Variants in ADGRL3 observed in about 807,000 individuals in gnomAD.
ADGRL3 encodes calcium-independent alpha-latrotoxin receptor 3.
A neutral mutation model predicts 153.5 loss-of-function variants in ADGRL3; 62 were observed. That is an observed-to-expected ratio of 0.40 (90% CI 0.33 to 0.50). The LOEUF is 0.50. Ranked by LOEUF, ADGRL3 falls within the 20% of genes least tolerant of loss-of-function variation. The pLI is 0.47. For missense variants in ADGRL3, 1,641 were observed against 1,859.4 expected (o/e 0.88, Z 2.16); for synonymous variants, 710 against 672.5 (o/e 1.06, Z -0.86).
chr4:61,791,484 G>A (rs2097341161), intron 8 of ADGRL3, among the ~76,000 whole-genome samples: 1 of 152,174 alleles, frequency 6.6e-6, no homozygotes, highest in Non-Finnish European at 1.5e-5. Context: ...GCAGGGTATG[G>A]CCTCCCTCCT....
intron 5 of ADGRL3, among the ~76,000 whole-genome samples, chr4:61,594,480 G>A (rs1285308195): frequency 2.0e-5 from 3 of 152,112 alleles, no homozygotes; most frequent in South Asian, 2.1e-4. Context: ...GAGGGACTTG[G>A]GCCCCAAACC....
chr4:61,989,777 C>T (rs1403134337), intron 19 of ADGRL3, among the ~76,000 whole-genome samples: 1 of 151,908 alleles, frequency 6.6e-6, no homozygotes, highest in Admixed American at 6.6e-5. Flanking sequence ...ACCTGAGTTC[C>T]TATTGGTACC....
intron 4 of ADGRL3, among the ~76,000 whole-genome samples, chr4:61,568,224 C>G (rs1431580375): frequency 1.3e-5 from 2 of 152,068 alleles, no homozygotes; most frequent in African/African-American, 2.4e-5. Context: ...CATCAAATAT[C>G]TATAAACATT....
chr4:61,435,696 G>A (rs899434179), intron 2 of ADGRL3, among the ~76,000 whole-genome samples: 4 of 150,192 alleles, frequency 2.7e-5, no homozygotes, highest in Non-Finnish European at 4.4e-5. Flanking sequence ...CCTCCTCTCC[G>A]GTCTTTTGCT....
chr4:61,903,933 T>G lies in ADGRL3; in HGVS notation c.1888-5627T>G, dbSNP rs182232884. 6.9e-3 allele frequency among the ~76,000 whole-genome samples: 1,040 copies of G among 151,786 alleles called. 10 individuals carry two copies. The highest frequency in any genetic ancestry group is 0.024 in the African/African-American group (995 of 41,404). ...GACCACTGTGGGCCCTGAGAAATTT[T>G]TTTTTTCTTTAATTTTGTAGACATA... On this transcript the variant is annotated intron_variant, in intron 11 of 26. Coordinates refer to ENST00000683033, the MANE Select transcript of ADGRL3 (RefSeq NM_001387552.1).
rs1020976287 is a variant in ADGRL3, at chr4:61,587,834, G to T, written c.473+394G>T. On this transcript the variant is annotated intron_variant, in intron 5 of 26. Transcript: ENST00000683033. ...CTTTCTAACAATGTAGGGAAAAAAA[G>T]AAGTAAAAATTAATAGGTAATTTAT... Among the ~76,000 whole-genome samples the T allele has an allele frequency of 3.9e-5, 6 of 152,060 alleles. No individual in the cohort carries two copies. The South Asian group carries it at 1.0e-3, about 26-fold the overall frequency.
chr4:61,346,197 T>A (rs1392796075), intron 1 of ADGRL3, among the ~76,000 whole-genome samples: 3 of 151,874 alleles, frequency 2.0e-5, no homozygotes, highest in Non-Finnish European at 4.4e-5. Context: ...GCCCAAATGT[T>A]CTAGTCCAGC....
intron 1 of ADGRL3, among the ~76,000 whole-genome samples, chr4:61,215,866 C>G (rs920510558): frequency 6.6e-6 from 1 of 151,962 alleles, no homozygotes; most frequent in African/African-American, 2.4e-5. Context: ...ATTTCTTAGT[C>G]TTGCCCTTGA....
intron 5 of ADGRL3, among the ~76,000 whole-genome samples, chr4:61,626,767 A>G (rs2092856127): frequency 6.6e-6 from 1 of 152,048 alleles, no homozygotes; most frequent in Admixed American, 6.6e-5. Flanking sequence ...CCTGAGTTCT[A>G]CTATTTTAAT....
intron 2 of ADGRL3, among the ~76,000 whole-genome samples, chr4:61,488,000 C>T (rs1579134506): frequency 6.6e-6 from 1 of 151,974 alleles, no homozygotes; most frequent in East Asian, 1.9e-4. Context: ...GTAATGTTCT[C>T]CAATCAAATG....
intron 15 of ADGRL3, among the ~76,000 whole-genome samples, chr4:61,946,131 A>T (rs1264531321): frequency 2.0e-5 from 3 of 152,200 alleles, no homozygotes; most frequent in Non-Finnish European, 4.4e-5. Flanking sequence ...TAATTTTATA[A>T]GAAATTGTCA....
At chr4:61,882,629 C>G (rs771000996) in intron 9 of ADGRL3, among the ~76,000 whole-genome samples, 3 of 152,178 alleles carry the variant, frequency 2.0e-5, no homozygotes, top group Non-Finnish European at 2.9e-5. Context: ...CCTCTCTGTC[C>G]TCATTTCACA....
intron 1 of ADGRL3, among the ~76,000 whole-genome samples, chr4:61,287,279 A>G (rs1016041105): frequency 1.3e-5 from 2 of 151,880 alleles, no homozygotes; most frequent in Admixed American, 6.6e-5. Flanking sequence ...TACTAATATA[A>G]TCTCTTTCTA....
At chr4:61,462,134 G>A (rs570647021) in intron 2 of ADGRL3, among the ~76,000 whole-genome samples, 2 of 152,192 alleles carry the variant, frequency 1.3e-5, no homozygotes, top group African/African-American at 4.8e-5. Context: ...CATAAATGGA[G>A]ACAAGAAGAA....
At chr4:61,676,068 T>C (rs1388016859) in intron 5 of ADGRL3, among the ~76,000 whole-genome samples, 2 of 151,978 alleles carry the variant, frequency 1.3e-5, no homozygotes, top group African/African-American at 4.8e-5. Flanking sequence ...GCCTGTCTTA[T>C]TTCACTGAAC....
At chr4:61,308,481 GT>G (rs1390432059) in intron 1 of ADGRL3, among the ~76,000 whole-genome samples, 1 of 152,148 alleles carries the variant, frequency 6.6e-6, no homozygotes, top group East Asian at 1.9e-4. Context: ...TACTTTAGGT[GT>G]TTTTAAGACT....
chr4:61,817,923 TATGAGAGCTACA>T (rs1274660098), intron 9 of ADGRL3, among the ~76,000 whole-genome samples: 5 of 152,106 alleles, frequency 3.3e-5, no homozygotes, highest in Non-Finnish European at 5.9e-5. Flanking sequence ...ACATGAGAAT[TATGAGAGCTACA>T]ATGCAAGATG....
intron 9 of ADGRL3, among the ~76,000 whole-genome samples, chr4:61,844,546 C>CAAAAAAAAA (rs71604517): frequency 1.7e-4 from 3 of 17,546 alleles, no homozygotes; most frequent in Non-Finnish European, 2.5e-4. Flanking sequence ...GACTGCATCT[C>CAAAAAAAAA]AAAAAAAAAA....
chr4:61,734,704 C>CG (rs2096486649), intron 8 of ADGRL3, among the ~76,000 whole-genome samples: 4 of 152,176 alleles, frequency 2.6e-5, no homozygotes, highest in Non-Finnish European at 5.9e-5. Flanking sequence ...ATCAACTAGC[C>CG]ATAACAGTCT....
Sources: allele counts gnomAD v4.1 joint callset (sites outside exome capture counted in the v4.1 genomes callset), GRCh38; gene constraint gnomAD v4.1.1; transcripts MANE v1.5; gene names NCBI Gene and HGNC (gene_info 2026-07-23, HGNC 2026-07-21).